BICRA: variants seen among roughly 807,000 people sequenced by gnomAD.
BICRA encodes the protein BRD4-interacting chromatin-remodeling complex-associated protein.
BICRA carries 31 observed loss-of-function variants against 96.9 expected under a neutral mutation model. The observed-to-expected ratio is 0.32, with a 90% CI of 0.24 to 0.43. The LOEUF (loss-of-function observed/expected upper bound fraction) is 0.43, where lower values mean the gene tolerates loss of function less well. Ranked by LOEUF, BICRA falls within the 20% of genes least tolerant of loss-of-function variation. The pLI is 1.00. For synonymous variants in BICRA, 1,350 were observed against 1,071.8 expected, an observed-to-expected ratio of 1.26 and a Z score of -5.07; for missense variants, 2,283 against 2,190.3, an observed-to-expected ratio of 1.04 and a Z score of -0.84.
intron 7 of BICRA, among the ~76,000 whole-genome samples, chr19:47,687,332 C>T (rs1324351929): frequency 6.6e-6 from 1 of 152,066 alleles, no homozygotes; most frequent in Non-Finnish European, 1.5e-5. Context: ...TTTTCTTCAA[C>T]TGTTTAAAAA....
At chr19:47,692,537 C>A (rs1396587094) in intron 7 of BICRA, among the ~76,000 whole-genome samples, 2 of 152,168 alleles carry the variant, frequency 1.3e-5, no homozygotes, top group Non-Finnish European at 2.9e-5. Flanking sequence ...GCCGAATATT[C>A]TTCATCACAG....
At chr19:47,676,355 AG>A (rs1319887439) in intron 5 of BICRA, among the ~76,000 whole-genome samples, 1 of 152,080 alleles carries the variant, frequency 6.6e-6, no homozygotes, top group Non-Finnish European at 1.5e-5. Flanking sequence ...TGCAGACTTC[AG>A]TCTTCACCTG....
rs1485905385 is a variant in BICRA, at chr19:47,675,321, A to G, written c.85-530A>G. 1.3e-5 allele frequency among the ~76,000 whole-genome samples: 2 copies of G among 152,216 alleles called. No individual in the cohort carries two copies. Among genetic ancestry groups the G allele is most frequent in the Admixed American group, 6.5e-5 (1 of 15,276 alleles). The stretch of plus-strand genomic sequence containing the variant: ...ATGGACATACATTCACTGGGCACAT[A>G]TGTGGATGCCAGGGCCTGTTCTGGG... On this transcript the variant is annotated intron_variant, in intron 4 of 14. Coordinates refer to ENST00000594866, the MANE Select transcript of BICRA (RefSeq NM_001394372.1). This position sits in a 1 kb window ranked among gnomAD's most constrained non-coding sequence, Gnocchi z 4.7.
intron 11 of BICRA, among the ~76,000 whole-genome samples, chr19:47,697,321 G>A (rs866215532): frequency 6.6e-6 from 1 of 151,622 alleles, no homozygotes; most frequent in Non-Finnish European, 1.5e-5. Flanking sequence ...TAAGTCCGGG[G>A]GGCAGAGGTT....
chr19:47,685,789 G>A (rs1272639947), intron 7 of BICRA, among the ~76,000 whole-genome samples: 2 of 117,828 alleles, frequency 1.7e-5, no homozygotes, highest in East Asian at 2.5e-4. Context: ...GTGTGTGTGC[G>A]CGCGCGCGCG....
Position 47,701,542 on chromosome 19 carries a change from C to T in BICRA, c.3810C>T (p.Ser1270=). ...TWARASSSLS[S]SSSSSSAASS... ...CCCGGGCGTCCTCCTCCCTGTCCTC[C>T]TCTTCCTCCTCCTCCTCTGCCGCCT... The change falls in exon 15 of 15, where the codon TCC becomes TCT. Residue 1270 remains serine, a synonymous_variant. Transcript: ENST00000594866. This position sits in a 1 kb window ranked among gnomAD's most constrained non-coding sequence, Gnocchi z 5.4. 6.5e-7 allele frequency: 1 copy of T among 1,549,894 alleles called. No individual in the cohort carries two copies. Among genetic ancestry groups the T allele is most frequent in the South Asian group, 1.2e-5 (1 of 84,208 alleles).
At position 47,701,204 on chromosome 19, in the gene BICRA, G is replaced by A; in HGVS notation, c.3596-124G>A. On this transcript the variant is annotated intron_variant, in intron 14 of 14. Transcript: ENST00000594866. The surrounding 1 kb of genome is among the most constrained non-coding windows in gnomAD (Gnocchi z 5.4). The stretch of plus-strand genomic sequence containing the variant: ...TCTCACCAAGCCTATCCTGAGGATT[G>A]GAGGGTCCAGGGTGCAGTCTGGTGC... The A allele has an allele frequency of 1.5e-6, 1 of 676,734 alleles. No homozygotes were observed. The highest frequency in any genetic ancestry group is 2.6e-6 in the Non-Finnish European group (1 of 386,784). 41.9% of individuals were successfully genotyped at this position (676,734 alleles called of 1,614,324 possible). A position where few individuals can be genotyped will look rare whatever the true frequency, so the allele number is the denominator to read the frequency against.
chr19:47,639,551 G>T (rs1419348324), intron 1 of BICRA, among the ~76,000 whole-genome samples: 1 of 150,048 alleles, frequency 6.7e-6, no homozygotes, highest in Non-Finnish European at 1.5e-5. Context: ...GGATGGTCTC[G>T]ATCTCCTGAC....
chr19:47,646,211 G>T (rs1029641908), intron 1 of BICRA, among the ~76,000 whole-genome samples: 1 of 152,202 alleles, frequency 6.6e-6, no homozygotes. Context: ...TCCAGCATGC[G>T]GAATGCTCTG....
At chr19:47,650,860 TCCTGACACCATCCGCCCAGCCCGCACAG>T (rs923233071) in intron 1 of BICRA, among the ~76,000 whole-genome samples, 3 of 152,086 alleles carry the variant, frequency 2.0e-5, no homozygotes, top group Admixed American at 6.6e-5. Context: ...GCACCACACA[TCCTGACACCATCCGCCCAGCCCGCACAG>T]CCTGACACCA....
intron 1 of BICRA, among the ~76,000 whole-genome samples, chr19:47,617,041 T>C (rs1398521805): frequency 1.3e-5 from 2 of 152,116 alleles, no homozygotes; most frequent in Non-Finnish European, 2.9e-5. Context: ...TTGGCCAGGC[T>C]AGTCTCGAAC....
chr19:47,614,951 T>C (rs1971961631), intron 1 of BICRA, among the ~76,000 whole-genome samples: 2 of 152,200 alleles, frequency 1.3e-5, no homozygotes. Context: ...TTTTGGTAGC[T>C]CTTACGGAGC....
intron 1 of BICRA, among the ~76,000 whole-genome samples, chr19:47,655,138 T>A (rs1182755090): frequency 6.6e-6 from 1 of 152,166 alleles, no homozygotes; most frequent in Non-Finnish European, 1.5e-5. Context: ...CACCCTGCTT[T>A]CTTATTCTCT....
At chr19:47,652,673 T>C (rs963231669) in intron 1 of BICRA, among the ~76,000 whole-genome samples, 1 of 152,238 alleles carries the variant, frequency 6.6e-6, no homozygotes, top group Non-Finnish European at 1.5e-5. Flanking sequence ...TTAAATACTC[T>C]CTTATTTTTT....
rs1285673889 is a variant in BICRA, at chr19:47,696,345, G to A, written c.3187-106G>A. Reference sequence around the variant, plus strand: ...TGGGGCCAGGCCCCCACCTGGGTGAGACACTGGTCCCCTGTCCCGTCTTTA... The same window carrying A: ...TGGGGCCAGGCCCCCACCTGGGTGAAACACTGGTCCCCTGTCCCGTCTTTA... On this transcript the variant is annotated intron_variant, in intron 10 of 14. Transcript: ENST00000594866. 6 of 1,023,648 alleles carry A rather than the reference G, an allele frequency of 5.9e-6. No homozygotes were observed. In the African/African-American group the frequency reaches 8.0e-5, roughly 14 times the overall value. 63.4% of individuals were successfully genotyped at this position (1,023,648 alleles called of 1,614,324 possible).
intron 1 of BICRA, among the ~76,000 whole-genome samples, chr19:47,637,867 C>T (rs1972323700): frequency 6.6e-6 from 1 of 152,166 alleles, no homozygotes; most frequent in Non-Finnish European, 1.5e-5. Flanking sequence ...TGCGGCGATG[C>T]CTCATTCCTT....
rs747137187 is a variant in BICRA at position 47,698,757 on chromosome 19, C to T, written c.3372C>T (p.Leu1124=). Reference sequence around the variant, plus strand: ...CCTACCATGTCTACCAGGGCGCCCTCCCCTCCCCCAGTGACTACCACAAAG... The same window carrying T: ...CCTACCATGTCTACCAGGGCGCCCTTCCCTCCCCCAGTGACTACCACAAAG... ...LLPYHVYQGA[L]PSPSDYHKVD... is the part of the protein sequence containing the mutation. The change falls in exon 12 of 15, where the codon CTC becomes CTT. Residue 1124 remains leucine, a synonymous_variant. Coordinates refer to ENST00000594866, the MANE Select transcript of BICRA (RefSeq NM_001394372.1). This position sits in a 1 kb window ranked among gnomAD's most constrained non-coding sequence, Gnocchi z 4.8. 1.2e-6 allele frequency: 2 copies of T among 1,608,968 alleles called. No individual in the cohort carries two copies. Among genetic ancestry groups the T allele is most frequent in the Non-Finnish European group, 1.7e-6 (2 of 1,177,048 alleles).
chr19:47,689,586 A>G (rs1973210286), intron 7 of BICRA, among the ~76,000 whole-genome samples: 1 of 150,310 alleles, frequency 6.7e-6, no homozygotes, highest in African/African-American at 2.5e-5. Flanking sequence ...TAATTTCTGT[A>G]TTTTTAGTAG....
At chr19:47,673,435 C>T (rs901929058) in intron 2 of BICRA, 135 bp from the exon 3 acceptor site, 3 of 711,682 alleles carry the variant, frequency 4.2e-6, no homozygotes, top group Middle Eastern at 2.9e-4. Flanking sequence ...TCCTTGTCCC[C>T]ATCTATCCCC....
Sources: gnomAD v4.1 joint callset for allele counts (sites outside exome capture counted in the v4.1 genomes callset) on GRCh38, gnomAD v4.1.1 for gene constraint, Gnocchi (gnomAD v3.1) non-coding constraint, MANE v1.5 for transcripts, NCBI Gene and HGNC (gene_info 2026-07-23, HGNC 2026-07-21) for gene names.